GARNL3: variants seen among roughly 807,000 people sequenced by gnomAD.
GARNL3 encodes the protein GTPase-activating Rap/Ran-GAP domain-like protein 3.
A neutral mutation model predicts 125.0 loss-of-function variants in GARNL3; 63 were observed. The observed-to-expected ratio is 0.50, with a 90% CI of 0.41 to 0.62. GARNL3 has a LOEUF of 0.62. GARNL3 is among the 20% of genes least tolerant of loss of function. The probability of loss-of-function intolerance (pLI) is 0.00; values close to 1 mark genes in which losing one functional copy is unlikely to be tolerated. For missense variants in GARNL3, 994 were observed against 1,244.0 expected, an observed-to-expected ratio of 0.80 and a Z score of 3.02; for synonymous variants, 439 against 457.5, an observed-to-expected ratio of 0.96 and a Z score of 0.52.
chr9:127,268,909 AGTG>A (rs1232687903), intron 1 of GARNL3, among the ~76,000 whole-genome samples: 1 of 152,230 alleles, frequency 6.6e-6, no homozygotes, highest in African/African-American at 2.4e-5. Flanking sequence ...TCCATGTGAT[AGTG>A]TATATCAGAA....
At chr9:127,255,832 C>CA (rs2063486374) in intron 2 of GARNL3, among the ~76,000 whole-genome samples, 2 of 152,146 alleles carry the variant, frequency 1.3e-5, no homozygotes, top group Non-Finnish European at 2.9e-5. Flanking sequence ...CAAAAGACCA[C>CA]ACTGAGCAGC....
chr9:127,315,217 G>T (rs1042267531), intron 4 of GARNL3, among the ~76,000 whole-genome samples: 2 of 152,214 alleles, frequency 1.3e-5, no homozygotes, highest in African/African-American at 2.4e-5. Context: ...GGCACAAGGG[G>T]TCAGTTATTA....
At chr9:127,309,913 C>T (rs922373321) in intron 2 of GARNL3, among the ~76,000 whole-genome samples, 6 of 152,152 alleles carry the variant, frequency 3.9e-5, no homozygotes, top group East Asian at 1.9e-4. Flanking sequence ...GTCTTACATA[C>T]GTGGCACGAT....
intron 4 of GARNL3, among the ~76,000 whole-genome samples, chr9:127,316,958 T>A (rs1435674409): frequency 2.0e-5 from 3 of 152,142 alleles, no homozygotes; most frequent in African/African-American, 7.2e-5. Flanking sequence ...CTTACCCTCC[T>A]CTAGCCGTTT....
At chr9:127,292,642 G>A (rs115805157) in intron 2 of GARNL3, among the ~76,000 whole-genome samples, 3 of 152,190 alleles carry the variant, frequency 2.0e-5, no homozygotes, top group South Asian at 2.1e-4. Context: ...GGCCCCTGCC[G>A]CATCCAGTGT....
chr9:127,343,260 G>A (rs1283630456), intron 14 of GARNL3, among the ~76,000 whole-genome samples: 2 of 152,004 alleles, frequency 1.3e-5, no homozygotes, highest in Non-Finnish European at 2.9e-5. Flanking sequence ...CCAACCACTC[G>A]CAGGGATTGG....
At chr9:127,236,201 A>G (rs1363419062) in intron 1 of GARNL3, among the ~76,000 whole-genome samples, 1 of 152,224 alleles carries the variant, frequency 6.6e-6, no homozygotes. Context: ...TCCTACAGTT[A>G]GTTCTGCCCC....
rs1053367227 is a variant in GARNL3 at position 127,384,848 on chromosome 9, T to C, written c.2270-179T>C. On this transcript the variant is annotated intron_variant, in intron 23 of 27. Coordinates refer to ENST00000373387, the MANE Select transcript of GARNL3 (RefSeq NM_032293.5). This position sits in a 1 kb window ranked among gnomAD's most constrained non-coding sequence, Gnocchi z 4.0. Reference sequence around the variant, plus strand: ...GTGTGGCAACCGAGGGGAGGCTGTCTTGGGAACCCAGGCTACCTTAGGATC... The same window carrying C: ...GTGTGGCAACCGAGGGGAGGCTGTCCTGGGAACCCAGGCTACCTTAGGATC... Among the ~76,000 whole-genome samples, 2 of 152,100 alleles carry C rather than the reference T, an allele frequency of 1.3e-5. No individual in the cohort carries two copies. Among genetic ancestry groups the C allele is most frequent in the African/African-American group, 4.8e-5 (2 of 41,410 alleles).
At chr9:127,243,917 G>A (rs947455519) in intron 2 of GARNL3, among the ~76,000 whole-genome samples, 4 of 152,082 alleles carry the variant, frequency 2.6e-5, no homozygotes, top group African/African-American at 7.2e-5. Context: ...TTTTCCAGGG[G>A]GAATCAAAGG....
chr9:127,300,538 TC>T, intron 2 of GARNL3: 1 of 339,508 alleles, frequency 2.9e-6, no homozygotes, highest in South Asian at 2.5e-5. Context: ...CACTGCAACC[TC>T]CACCTCCCAG....
intron 2 of GARNL3, among the ~76,000 whole-genome samples, chr9:127,254,343 G>A (rs552881154): frequency 6.6e-6 from 1 of 152,266 alleles, no homozygotes; most frequent in African/African-American, 2.4e-5. Flanking sequence ...TAAAGGAAAA[G>A]ATTGAAAATG....
chr9:127,347,332 G>A (rs1221457559), intron 16 of GARNL3, among the ~76,000 whole-genome samples: 2 of 152,188 alleles, frequency 1.3e-5, no homozygotes, highest in Non-Finnish European at 1.5e-5. Flanking sequence ...TGAGGCAGGA[G>A]GATCACTTGA....
intron 2 of GARNL3, among the ~76,000 whole-genome samples, chr9:127,247,246 A>G (rs901373200): frequency 6.6e-5 from 10 of 152,214 alleles, no homozygotes; most frequent in Non-Finnish European, 8.8e-5. Context: ...TGTTGTGTAC[A>G]CTGAAGAGCC....
chr9:127,336,062 T>C (rs778572999), intron 10 of GARNL3, 66 bp from the exon 11 acceptor site: 5 of 1,201,404 alleles, frequency 4.2e-6, no homozygotes, highest in Non-Finnish European at 6.1e-6. Flanking sequence ...GGTTATGTTT[T>C]TTTAACTCTG....
intron 6 of GARNL3, among the ~76,000 whole-genome samples, chr9:127,322,873 C>T (rs2065445148): frequency 6.6e-6 from 1 of 152,132 alleles, no homozygotes; most frequent in South Asian, 2.1e-4. Flanking sequence ...AATCCAGAAG[C>T]AATGTGTGAT....
chr9:127,380,642 T>TCGAAAA (rs1832199939), intron 22 of GARNL3, among the ~76,000 whole-genome samples: 1 of 152,144 alleles, frequency 6.6e-6, no homozygotes, highest in African/African-American at 2.4e-5. Flanking sequence ...TGGGTGAGCC[T>TCGAAAA]CGAAAACATC....
chr9:127,352,533 C>G (rs1003987828), intron 17 of GARNL3, among the ~76,000 whole-genome samples: 2 of 152,266 alleles, frequency 1.3e-5, no homozygotes, highest in African/African-American at 4.8e-5. Flanking sequence ...AGAATTAGTT[C>G]CATTTTGTGG....
At chr9:127,225,880 C>T (rs1365599805) in intron 1 of GARNL3, among the ~76,000 whole-genome samples, 3 of 151,490 alleles carry the variant, frequency 2.0e-5, no homozygotes, top group Non-Finnish European at 4.4e-5. Context: ...TCTGCCCGGG[C>T]CGCCGGCGCC....
intron 1 of GARNL3, among the ~76,000 whole-genome samples, chr9:127,233,872 GTTTCTTGGGACTCTTAGAGTTTGTT>G (rs1021471018): frequency 6.6e-6 from 1 of 152,132 alleles, no homozygotes; most frequent in African/African-American, 2.4e-5. Flanking sequence ...TCTTCCTTAT[GTTTCTTGGGACTCTTAGAGTTTGTT>G]TTTCTTGTAG....
Sources: allele counts gnomAD v4.1 joint callset (sites outside exome capture counted in the v4.1 genomes callset), GRCh38; gene constraint gnomAD v4.1.1; non-coding constraint Gnocchi (gnomAD v3.1); transcripts MANE v1.5; gene names NCBI Gene and HGNC (gene_info 2026-07-23, HGNC 2026-07-21).